Variants in HPD observed in about 807,000 individuals in gnomAD.
HPD encodes the protein 4-hydroxyphenylpyruvate dioxygenase, also known as 4-hydroxyphenylpyruvic acid oxidase.
Under a neutral mutation model 56.9 loss-of-function variants are expected in HPD, and 35 were observed. The observed-to-expected ratio is 0.62, with a 90% CI of 0.47 to 0.82. The LOEUF is 0.82. Ranked by LOEUF, HPD falls within the 40% of genes least tolerant of loss-of-function variation. HPD has a pLI of 0.00. For synonymous variants in HPD, 186 were observed against 200.2 expected (o/e 0.93, Z 0.60); for missense variants, 442 against 506.8 (o/e 0.87, Z 1.23).
In HPD at chr12:121,856,357, C is replaced by T. The variant is rs139901326; in HGVS notation, c.291G>A (p.Ala97=). The stretch of plus-strand genomic sequence containing the variant: ...TGTAGTCACAATCTTCCACCTCGAA[C>T]GCAATGTCCTTCACTCCGTCACCGT... ...VKHGDGVKDI[A]FEVEDCDYIV... is the part of the protein sequence containing the mutation. The change falls in exon 6 of 14, where the codon GCG becomes GCA. Residue 97 remains alanine, a synonymous_variant. Coordinates refer to ENST00000289004, the MANE Select transcript of HPD (RefSeq NM_002150.3). The T allele has an allele frequency of 2.3e-4, 374 of 1,614,146 alleles. No homozygotes were observed. The highest frequency in any genetic ancestry group is 6.6e-4 in the Middle Eastern group (4 of 6,062).
chr12:121,847,493 G>A (rs1274548820), intron 9 of HPD, among the ~76,000 whole-genome samples: 1 of 152,042 alleles, frequency 6.6e-6, no homozygotes, highest in Admixed American at 6.6e-5. Flanking sequence ...CAAGTAGCTG[G>A]GACTACAGGC....
chr12:121,856,415 G>A lies in HPD; in HGVS notation c.242-9C>T, dbSNP rs569635224. The stretch of plus-strand genomic sequence containing the variant: ...CAGGTGATCGCCCATCTCTGTGGCC[G>A]GCAGGGAGAGGATGGCACTGGAGTC... On this transcript the variant is annotated splice_polypyrimidine_tract_variant and intron_variant, in intron 5 of 13. Coordinates refer to ENST00000289004, the MANE Select transcript of HPD (RefSeq NM_002150.3). 59 of 1,613,460 alleles carry A rather than the reference G, an allele frequency of 3.7e-5. No individual in the cohort carries two copies. In the South Asian group the frequency reaches 5.3e-4, roughly 14 times the overall value.
the HPD span, among the ~76,000 whole-genome samples, chr12:121,887,314 C>A: frequency 1.3e-4 from 19 of 151,778 alleles, no homozygotes; most frequent in Admixed American, 8.5e-4. Flanking sequence ...GATCTCCCAG[C>A]ATAATGGGAC....
chr12:121,863,612 G>T (rs1878242436), upstream of HPD: 1 of 152,110 alleles, frequency 6.6e-6, no homozygotes, highest in African/African-American at 2.4e-5. Context: ...GAAATGATCA[G>T]AATGAAAAGC....
intron 11 of HPD, among the ~76,000 whole-genome samples, chr12:121,846,146 G>A (rs186260272): frequency 6.6e-6 from 1 of 152,300 alleles, no homozygotes; most frequent in Admixed American, 6.5e-5. Context: ...CAATCCTTCT[G>A]CTTTGGCCTC....
At chr12:121,857,215 G>A in intron 4 of HPD, 113 bp downstream of exon 4, 1 of 751,528 alleles carries the variant, frequency 1.3e-6, no homozygotes, top group East Asian at 2.6e-5. Context: ...GAGTAGCTGG[G>A]ATTACAGGTG....
chr12:121,854,148 C>T (rs770396986), intron 7 of HPD, among the ~76,000 whole-genome samples: 2 of 151,594 alleles, frequency 1.3e-5, no homozygotes, highest in Non-Finnish European at 2.9e-5. Flanking sequence ...CCCAACTACT[C>T]GGGAGGCTGA....
intron 7 of HPD, among the ~76,000 whole-genome samples, chr12:121,853,349 T>G (rs987068717): frequency 6.6e-6 from 1 of 151,712 alleles, no homozygotes; most frequent in Admixed American, 6.6e-5. Context: ...GTTGAAGAGG[T>G]GGGGCGCGGT....
At chr12:121,850,952 C>T (rs1205707910) in intron 7 of HPD, among the ~76,000 whole-genome samples, 4 of 151,764 alleles carry the variant, frequency 2.6e-5, no homozygotes, top group African/African-American at 9.7e-5. Context: ...CAACGTCTGC[C>T]TCCCGGGTTC....
the HPD span, among the ~76,000 whole-genome samples, chr12:121,870,085 ATTTT>A: frequency 7.1e-6 from 1 of 140,094 alleles, no homozygotes. Context: ...GCGTAAGCTG[ATTTT>A]TTTTTTTTTT....
chr12:121,852,637 T>TC (rs1450333854), intron 7 of HPD, among the ~76,000 whole-genome samples: 4 of 136,154 alleles, frequency 2.9e-5, no homozygotes, highest in Admixed American at 7.4e-5. Context: ...TTTTTTTTTT[T>TC]TTTTTTTTTT....
intron 13 of HPD, 38 bp from the exon 14 acceptor site, chr12:121,839,876 G>A (rs755075739): frequency 1.9e-6 from 3 of 1,609,884 alleles, no homozygotes; most frequent in Non-Finnish European, 2.6e-6. Flanking sequence ...CAAGGACCCA[G>A]AAAACCGAGT....
Position 121,846,932 on chromosome 12 carries a change from T to C in HPD, c.761A>G (p.Glu254Gly). 6.2e-7 allele frequency: 1 copy of C among 1,614,106 alleles called. No individual in the cohort carries two copies. The highest frequency in any genetic ancestry group is 8.5e-7 in the Non-Finnish European group (1 of 1,179,996). Reference protein sequence around the residue: ...APGKKKSQIQEYVDYNGGAGV... With the variant: ...APGKKKSQIQGYVDYNGGAGV... ...AGCGCCCCCGTTATAGTCCACATAT[T>C]CCTGGGGGAGGGAAACAAGGAGACC... The change falls in exon 11 of 14, where the codon GAA becomes GGA. Residue 254 changes from glutamate to glycine, a missense_variant and splice_region_variant. By Grantham distance (98) the Glu-to-Gly change is moderately conservative (BLOSUM62 -2). Coordinates refer to ENST00000289004, the MANE Select transcript of HPD (RefSeq NM_002150.3).
In HPD at chr12:121,857,476, C is replaced by T. The variant is rs760652993; in HGVS notation, c.94-44G>A. On this transcript the variant is annotated intron_variant, in intron 3 of 13. Coordinates refer to ENST00000289004, the MANE Select transcript of HPD (RefSeq NM_002150.3). ...GCAGGGTTCATGAGGGTCAAGGGGC[C>T]AGCATGGGGGACTTCCGCAAGAGAG... 28 of 1,423,432 alleles carry T rather than the reference C, an allele frequency of 2.0e-5. 1 individual carries two copies. In the African/African-American group the frequency reaches 3.4e-4, roughly 17 times the overall value. The allele number at this position is 1,423,432 out of a possible 1,614,324, so 88.2% of individuals were successfully genotyped here.
chr12:121,876,624 C>G, the HPD span, among the ~76,000 whole-genome samples: 4 of 152,144 alleles, frequency 2.6e-5, no homozygotes, highest in African/African-American at 9.7e-5. Context: ...GTGTCCTCAT[C>G]ATCCAAAGTC....
chr12:121,849,909 G>A, intron 7 of HPD, 119 bp from the exon 8 acceptor site: 1 of 709,286 alleles, frequency 1.4e-6, no homozygotes, highest in Non-Finnish European at 2.6e-6. Context: ...CTAACCAGAT[G>A]CGTGATCTTG....
intron 9 of HPD, among the ~76,000 whole-genome samples, chr12:121,848,282 A>G (rs1228442345): frequency 6.6e-6 from 1 of 151,910 alleles, no homozygotes; most frequent in Admixed American, 6.6e-5. Context: ...CTTGTGCTGT[A>G]TTTTCCACTT....
At chr12:121,866,316 A>AG (rs1188112673), upstream of HPD, among the ~76,000 whole-genome samples, 20 of 147,444 alleles carry the variant, frequency 1.4e-4, no homozygotes, top group South Asian at 4.2e-4. Context: ...AAAAAAAAAA[A>AG]GAATAAATAA....
At chr12:121,868,944 A>G in the HPD span, among the ~76,000 whole-genome samples, 1 of 152,168 alleles carries the variant, frequency 6.6e-6, no homozygotes, top group Non-Finnish European at 1.5e-5. Context: ...GTGCAAGTGC[A>G]GTGGCACGAT....
Sources: gnomAD v4.1 joint callset for allele counts (sites outside exome capture counted in the v4.1 genomes callset) on GRCh38, gnomAD v4.1.1 for gene constraint, MANE v1.5 for transcripts, NCBI Gene and HGNC (gene_info 2026-07-23, HGNC 2026-07-21) for gene names.